Variants in UNC80 observed in about 807,000 individuals in gnomAD.
UNC80 encodes the protein protein unc-80 homolog.
UNC80 carries 164 observed loss-of-function variants against 384.6 expected under a neutral mutation model. The observed-to-expected ratio is 0.43, with a 90% CI of 0.38 to 0.49. UNC80 has a LOEUF of 0.49. Among genes scored for constraint, UNC80 ranks in the 20% least tolerant of loss-of-function variants. The pLI is 0.00. For missense variants in UNC80, 3,330 were observed against 4,143.0 expected, an observed-to-expected ratio of 0.80 and a Z score of 5.39; for synonymous variants, 1,486 against 1,527.8, an observed-to-expected ratio of 0.97 and a Z score of 0.64.
chr2:209,994,067 G>A lies in UNC80; in HGVS notation c.9511G>A (p.Asp3171Asn). ...SIQPKTKPSA[D>N]QKRSVTFIEA... ...TACTGTTTCACCTCTACCTGCAGCG[G>A]ATCAGAAACGATCTGTGACCTTCAT... Residue 3171 changes from aspartate to asparagine, a missense_variant and splice_region_variant, in exon 64 of 65, where the codon GAT (aspartate) becomes AAT (asparagine). Physicochemically the swap from Asp to Asn is conservative, Grantham distance 23 (BLOSUM62 1). Transcript: ENST00000673920. 1 of 1,549,638 alleles carries A rather than the reference G, an allele frequency of 6.5e-7. No individual in the cohort carries two copies. The highest frequency in any genetic ancestry group is 8.7e-7 in the Non-Finnish European group (1 of 1,146,006).
Position 209,777,246 on chromosome 2 carries a change from TG to T in UNC80, c.299-11del, listed in dbSNP as rs1169900693. The T allele has an allele frequency of 6.4e-7, 1 of 1,563,478 alleles. No homozygotes were observed. Among genetic ancestry groups the T allele is most frequent in the African/African-American group, 1.4e-5 (1 of 72,908 alleles). On this transcript the variant is annotated splice_polypyrimidine_tract_variant and intron_variant, in intron 3 of 64. Coordinates refer to ENST00000673920, the MANE Select transcript of UNC80 (RefSeq NM_001371986.1). ...GTTTTTCTTAACCTGCCTGTGTAAT[TG>T]TCCCATGCAGGCCACCAGGATAAAT...
rs2093474411 is a variant in UNC80, at chr2:209,995,743, C to T, written c.*148C>T. The T allele has an allele frequency of 2.3e-6, 2 of 878,776 alleles. No homozygotes were observed. Among genetic ancestry groups the T allele is most frequent in the South Asian group, 1.8e-5 (1 of 55,100 alleles). The allele number at this position is 878,776 out of a possible 1,614,324, so 54.4% of individuals were successfully genotyped here. A position where few individuals can be genotyped will look rare whatever the true frequency, so the allele number is the denominator to read the frequency against. ...CACAAATCTGAATAGGTTTTGCTGC[C>T]AATACACATGATGTTTCATAAACAT... On this transcript the variant is annotated 3_prime_UTR_variant, in exon 65 of 65. Coordinates refer to ENST00000673920, the MANE Select transcript of UNC80 (RefSeq NM_001371986.1).
Position 209,912,526 on chromosome 2 carries a change from A to G in UNC80, c.4783-34A>G, listed in dbSNP as rs150803789. 4.8e-6 allele frequency: 7 copies of G among 1,447,166 alleles called. No individual in the cohort carries two copies. The East Asian group carries it at 1.3e-4, about 26-fold the overall frequency. 89.6% of individuals were successfully genotyped at this position (1,447,166 alleles called of 1,614,324 possible). A position where few individuals can be genotyped will look rare whatever the true frequency, so the allele number is the denominator to read the frequency against. On this transcript the variant is annotated intron_variant, in intron 29 of 64. Transcript: ENST00000673920. ...GCACTGTTGGGTTTTTAGAAAACACATCACTCTTCATTACATATCCCTGGT... is the reference window on the plus strand; with the variant it reads ...GCACTGTTGGGTTTTTAGAAAACACGTCACTCTTCATTACATATCCCTGGT...
At chr2:209,874,047 A>G (rs143802867) in intron 23 of UNC80, among the ~76,000 whole-genome samples, 1,679 of 152,192 alleles carry the variant, frequency 0.011, 20 homozygotes, top group South Asian at 0.039. Flanking sequence ...TCAATGATCA[A>G]CACTTAGCAC....
intron 6 of UNC80, among the ~76,000 whole-genome samples, chr2:209,790,498 C>T (rs2077728499): frequency 1.3e-5 from 2 of 152,244 alleles, no homozygotes; most frequent in South Asian, 4.1e-4. Context: ...ATTGAGTATG[C>T]TTGACAATCT....
Position 209,976,773 on chromosome 2 carries a change from A to G in UNC80, c.8773-140A>G. The G allele has an allele frequency of 1.1e-6, 1 of 942,110 alleles. No individual in the cohort carries two copies. Among genetic ancestry groups the G allele is most frequent in the Non-Finnish European group, 1.5e-6 (1 of 654,842 alleles). The allele number at this position is 942,110 out of a possible 1,614,324, so 58.4% of individuals were successfully genotyped here. A position where few individuals can be genotyped will look rare whatever the true frequency, so the allele number is the denominator to read the frequency against. ...ATTTAAAACGATGTAATTATTAAGC[A>G]CTTCCTGTGTAAAGTGCCGTTCTAG... On this transcript the variant is annotated intron_variant, in intron 57 of 64. Coordinates refer to ENST00000673920, the MANE Select transcript of UNC80 (RefSeq NM_001371986.1). The surrounding 1 kb of genome is among the most constrained non-coding windows in gnomAD (Gnocchi z 4.3).
rs547866895 is a variant in UNC80, at chr2:209,976,453, C to T, written c.8772+150C>T. The T allele has an allele frequency of 1.0e-5, 10 of 985,604 alleles. No homozygotes were observed. The East Asian group carries it at 2.7e-4, about 27-fold the overall frequency. 61.1% of individuals were successfully genotyped at this position (985,604 alleles called of 1,614,324 possible). On this transcript the variant is annotated intron_variant, in intron 57 of 64. Transcript: ENST00000673920. The surrounding 1 kb of genome is among the most constrained non-coding windows in gnomAD (Gnocchi z 4.3). ...TACCATGCTTGATGAGAAAACCGCC[C>T]AAAAATATATTCCAGAGGATAAAAA...
At chr2:209,875,638 T>C (rs1034726561) in intron 23 of UNC80, among the ~76,000 whole-genome samples, 1 of 152,204 alleles carries the variant, frequency 6.6e-6, no homozygotes, top group Non-Finnish European at 1.5e-5. Flanking sequence ...CTTTTCAGCC[T>C]TCCTGTACAT....
chr2:209,928,254 T>C (rs1435693545), intron 36 of UNC80, among the ~76,000 whole-genome samples: 1 of 152,152 alleles, frequency 6.6e-6, no homozygotes, highest in Non-Finnish European at 1.5e-5. Context: ...GAGAATTGCT[T>C]GAACCTGGAA....
intron 47 of UNC80, among the ~76,000 whole-genome samples, chr2:209,949,984 C>G (rs935993676): frequency 2.6e-5 from 4 of 151,574 alleles, no homozygotes; most frequent in Admixed American, 6.6e-5. Context: ...GGTGCCTTCA[C>G]ACCCTGCTAA....
chr2:209,879,010 A>T (rs1255491925), intron 24 of UNC80, among the ~76,000 whole-genome samples: 1 of 151,686 alleles, frequency 6.6e-6, no homozygotes, highest in African/African-American at 2.4e-5. Flanking sequence ...AACTCTTATG[A>T]TCTTCCTTTC....
Position 209,978,721 on chromosome 2 carries a change from A to G in UNC80, c.9118+13A>G. 4 of 1,519,320 alleles carry G rather than the reference A, an allele frequency of 2.6e-6. No homozygotes were observed. In the South Asian group the frequency reaches 4.9e-5, roughly 19 times the overall value. The allele number at this position is 1,519,320 out of a possible 1,614,324, so 94.1% of individuals were successfully genotyped here. A position where few individuals can be genotyped will look rare whatever the true frequency, so the allele number is the denominator to read the frequency against. On this transcript the variant is annotated intron_variant, in intron 59 of 64. Transcript: ENST00000673920. ...GAAGATGAGGAAAGTAGGTCATTCCAGAGAATCTGGGCAGTAGACATGGCC... is the reference window on the plus strand; with the variant it reads ...GAAGATGAGGAAAGTAGGTCATTCCGGAGAATCTGGGCAGTAGACATGGCC...
At position 209,976,225 on chromosome 2, in the gene UNC80, C is replaced by A. The variant is rs1163561976; in HGVS notation, c.8694C>A (p.Ala2898=). 3 of 1,551,524 alleles carry A rather than the reference C, an allele frequency of 1.9e-6. No homozygotes were observed. The highest frequency in any genetic ancestry group is 2.6e-6 in the Non-Finnish European group (3 of 1,146,992). ...EMALRKVGGL[A]LWDFLDFIVR... ...CTCTGCGGAAGGTGGGAGGCCTGGCCCTTTGGGATTTCCTCGACTTCATCG... is the reference window on the plus strand; with the variant it reads ...CTCTGCGGAAGGTGGGAGGCCTGGCACTTTGGGATTTCCTCGACTTCATCG... The change falls in exon 57 of 65, where the codon GCC becomes GCA. Residue 2898 remains alanine, a synonymous_variant. Coordinates refer to ENST00000673920, the MANE Select transcript of UNC80 (RefSeq NM_001371986.1). This position sits in a 1 kb window ranked among gnomAD's most constrained non-coding sequence, Gnocchi z 4.3.
intron 8 of UNC80, 66 bp from the exon 9 acceptor site, chr2:209,815,191 A>C: frequency 6.8e-7 from 1 of 1,467,390 alleles, no homozygotes; most frequent in Non-Finnish European, 9.2e-7. Flanking sequence ...AAAATGTGAC[A>C]TTTCAATAAG....
intron 7 of UNC80, chr2:209,794,740 CA>C (rs1485133176): frequency 2.2e-6 from 1 of 452,146 alleles, no homozygotes; most frequent in African/African-American, 2.0e-5. Context: ...ATGGGTTTAT[CA>C]GGGGTTTCCA....
intron 23 of UNC80, among the ~76,000 whole-genome samples, chr2:209,873,264 C>T (rs1228483061): frequency 6.6e-6 from 1 of 152,198 alleles, no homozygotes; most frequent in South Asian, 2.1e-4. Context: ...ACTATTCCAT[C>T]TCACAGATTA....
chr2:209,829,508 G>A (rs2080798800), intron 15 of UNC80, 129 bp downstream of exon 15: 1 of 931,986 alleles, frequency 1.1e-6, no homozygotes, highest in Admixed American at 2.3e-5. Context: ...ATGCATGTGT[G>A]TGGGTGTGTG....
intron 4 of UNC80, among the ~76,000 whole-genome samples, chr2:209,781,892 A>G (rs1047858755): frequency 1.3e-5 from 2 of 152,198 alleles, no homozygotes; most frequent in Admixed American, 6.5e-5. Flanking sequence ...CCTAGATTCT[A>G]TATTTTAGAT....
At position 209,994,065 on chromosome 2, in the gene UNC80, C is replaced by T. The variant is rs866658624; in HGVS notation, c.9509C>T (p.Ala3170Val). 17 of 1,548,064 alleles carry T rather than the reference C, an allele frequency of 1.1e-5. No homozygotes were observed. The highest frequency in any genetic ancestry group is 1.1e-4 in the African/African-American group (8 of 72,908). The change falls in exon 64 of 65, where the codon GCG (alanine) becomes GTG (valine). Residue 3170 changes from alanine to valine, a missense_variant and splice_region_variant. Around this residue, in one of 8 missense-constraint regions of UNC80, gnomAD observed 236 missense variants for 254.9 expected, o/e 0.93. Transcript: ENST00000673920. The stretch of plus-strand genomic sequence containing the variant: ...TTTACTGTTTCACCTCTACCTGCAG[C>T]GGATCAGAAACGATCTGTGACCTTC... The part of the protein sequence containing the change: ...RSIQPKTKPS[A>V]DQKRSVTFIE...
Sources: gnomAD v4.1 joint callset for allele counts (sites outside exome capture counted in the v4.1 genomes callset) on GRCh38, gnomAD v4.1.1 for gene constraint, gnomAD v4.1.1 regional missense constraint, Gnocchi (gnomAD v3.1) non-coding constraint, MANE v1.5 for transcripts, NCBI Gene and HGNC (gene_info 2026-07-23, HGNC 2026-07-21) for gene names.